NRG3: variants seen among roughly 807,000 people sequenced by gnomAD.
NRG3 encodes pro-neuregulin-3, membrane-bound isoform.
A neutral mutation model predicts 66.9 loss-of-function variants in NRG3; 31 were observed. That is an observed-to-expected ratio of 0.46 (90% CI 0.35 to 0.63). NRG3 has a LOEUF of 0.63. NRG3 is among the 20% of genes least tolerant of loss of function. The probability of loss-of-function intolerance (pLI) is 0.00; values close to 1 mark genes in which losing one functional copy is unlikely to be tolerated. For missense variants in NRG3, 910 were observed against 878.9 expected (o/e 1.04, Z -0.45); for synonymous variants, 393 against 359.4 (o/e 1.09, Z -1.06).
At chr10:82,760,936 G>C (rs1197620544) in intron 3 of NRG3, among the ~76,000 whole-genome samples, 3 of 151,476 alleles carry the variant, frequency 2.0e-5, no homozygotes, top group Non-Finnish European at 4.4e-5. Flanking sequence ...ATTCCCAACA[G>C]CTTCAAATGT....
At chr10:81,986,169 G>A (rs1426716000) in intron 1 of NRG3, among the ~76,000 whole-genome samples, 1 of 152,040 alleles carries the variant, frequency 6.6e-6, no homozygotes, top group Non-Finnish European at 1.5e-5. Flanking sequence ...TTTCTATCAT[G>A]AATAAAAGTA....
intron 1 of NRG3, among the ~76,000 whole-genome samples, chr10:82,135,210 A>G (rs11192655): frequency 0.043 from 6,564 of 151,162 alleles, 309 homozygotes; most frequent in African/African-American, 0.12. Flanking sequence ...CTGCTGCCAC[A>G]TATTCTAAAG....
rs1315271417 is a variant in NRG3 at position 82,448,452 on chromosome 10, C to T, written c.953+89584C>T. 3.9e-5 allele frequency among the ~76,000 whole-genome samples: 6 copies of T among 152,102 alleles called. No homozygotes were observed. In the East Asian group the frequency reaches 5.8e-4, roughly 15 times the overall value. On this transcript the variant is annotated intron_variant, in intron 2 of 8. Coordinates refer to ENST00000372141, the MANE Select transcript of NRG3 (RefSeq NM_001010848.4). ...AGAGTATTTTCTATGAACCAGGAAC[C>T]GAGCATGTGGTGGATAGTTAGGCAT...
rs1853466062 is a variant in NRG3, at chr10:82,986,838, T to C, written c.*1233T>C. On this transcript the variant is annotated 3_prime_UTR_variant, in exon 9 of 9. Coordinates refer to ENST00000372141, the MANE Select transcript of NRG3 (RefSeq NM_001010848.4). ...TCATCATCCTCATTACCATTTATTTTATAGCAAGTCTGCTATGTGTGGACC... is the reference window on the plus strand; with the variant it reads ...TCATCATCCTCATTACCATTTATTTCATAGCAAGTCTGCTATGTGTGGACC... The C allele has an allele frequency of 6.6e-6, 1 of 152,248 alleles. No homozygotes were observed. The highest frequency in any genetic ancestry group is 2.1e-4 in the South Asian group (1 of 4,838). The allele number at this position is 152,248 out of a possible 1,614,324, so 9.4% of individuals were successfully genotyped here. A position where few individuals can be genotyped will look rare whatever the true frequency, so the allele number is the denominator to read the frequency against.
At chr10:81,999,102 C>A (rs544174307) in intron 1 of NRG3, among the ~76,000 whole-genome samples, 44 of 152,248 alleles carry the variant, frequency 2.9e-4, no homozygotes, top group African/African-American at 1.0e-3. Flanking sequence ...GGTGCCTGGG[C>A]GGCAAAGTGT....
intron 1 of NRG3, among the ~76,000 whole-genome samples, chr10:82,062,469 G>GTAGTCT (rs1816638831): frequency 1.3e-5 from 2 of 152,162 alleles, no homozygotes; most frequent in Admixed American, 6.5e-5. Context: ...AGCTGTGCAT[G>GTAGTCT]GTGGTGTGCG....
intron 2 of NRG3, among the ~76,000 whole-genome samples, chr10:82,416,216 A>G (rs2088559830): frequency 6.6e-6 from 1 of 152,210 alleles, no homozygotes; most frequent in Non-Finnish European, 1.5e-5. Flanking sequence ...AGTATGCAAT[A>G]TGTAGTTAAC....
At position 82,458,562 on chromosome 10, in the gene NRG3, G is replaced by A. The variant is rs999673901; in HGVS notation, c.953+99694G>A. 2.0e-5 allele frequency among the ~76,000 whole-genome samples: 3 copies of A among 152,144 alleles called. No individual in the cohort carries two copies. In the South Asian group the frequency reaches 6.2e-4, roughly 32 times the overall value. ...TCACTGGAGAATGAAGTAGAAAAAG[G>A]CTGGAGAAACTGGAACCAAAGGCAA... On this transcript the variant is annotated intron_variant, in intron 2 of 8. Transcript: ENST00000372141.
At chr10:82,223,989 G>A (rs949475775) in intron 1 of NRG3, among the ~76,000 whole-genome samples, 13 of 152,148 alleles carry the variant, frequency 8.5e-5, no homozygotes, top group East Asian at 1.9e-4. Context: ...AAATGTTGCC[G>A]GATTCTGGGC....
At chr10:82,905,896 A>G (rs1447704967) in intron 4 of NRG3, among the ~76,000 whole-genome samples, 1 of 152,110 alleles carries the variant, frequency 6.6e-6, no homozygotes, top group African/African-American at 2.4e-5. Flanking sequence ...TGTGGATGCT[A>G]ATTTTGCTTC....
intron 2 of NRG3, among the ~76,000 whole-genome samples, chr10:82,526,077 C>T (rs578253365): frequency 9.9e-5 from 15 of 151,882 alleles, no homozygotes; most frequent in Middle Eastern, 3.4e-3. Flanking sequence ...TCTAAGTTAG[C>T]GAGCTATGAA....
intron 1 of NRG3, among the ~76,000 whole-genome samples, chr10:82,049,591 C>A (rs1384082697): frequency 1.3e-5 from 2 of 152,034 alleles, no homozygotes; most frequent in South Asian, 2.1e-4. Context: ...TTTTTCTTTT[C>A]TTTCCAGAGT....
intron 1 of NRG3, among the ~76,000 whole-genome samples, chr10:82,296,287 A>G (rs1025030113): frequency 6.6e-5 from 10 of 152,162 alleles, no homozygotes; most frequent in African/African-American, 2.4e-4. Context: ...GAAACCATCA[A>G]CGTTTATTAG....
chr10:82,165,816 T>A lies in NRG3; in HGVS notation c.824-192923T>A, dbSNP rs573434309. ...AAGCCTTGGAAATCTAAGAATTATT[T>A]TTTGTGAATTGAAAAAATTCTCAAT... On this transcript the variant is annotated intron_variant, in intron 1 of 8. Transcript: ENST00000372141. Among the ~76,000 whole-genome samples, 12 of 151,954 alleles carry A rather than the reference T, an allele frequency of 7.9e-5. No homozygotes were observed. In the South Asian group the frequency reaches 2.3e-3, roughly 29 times the overall value.
rs1178624849 is a variant in NRG3 at position 82,085,841 on chromosome 10, G to A, written c.823+209678G>A. On this transcript the variant is annotated intron_variant, in intron 1 of 8. Coordinates refer to ENST00000372141, the MANE Select transcript of NRG3 (RefSeq NM_001010848.4). ...TTTAGTAGAGGCTGGGTTTCACCATGTTGGCCAGGCTAGTCTCGAACTCTG... is the reference window on the plus strand; with the variant it reads ...TTTAGTAGAGGCTGGGTTTCACCATATTGGCCAGGCTAGTCTCGAACTCTG... Among the ~76,000 whole-genome samples, 2 of 151,908 alleles carry A rather than the reference G, an allele frequency of 1.3e-5. 1 individual carries two copies. Among genetic ancestry groups the A allele is most frequent in the African/African-American group, 4.8e-5 (2 of 41,288 alleles).
chr10:82,212,261 C>G (rs2075435875), intron 1 of NRG3, among the ~76,000 whole-genome samples: 1 of 152,170 alleles, frequency 6.6e-6, no homozygotes, highest in Non-Finnish European at 1.5e-5. Context: ...TAGATAAACA[C>G]ATGCATGTAA....
At chr10:82,506,342 C>A (rs1237097777) in intron 2 of NRG3, among the ~76,000 whole-genome samples, 3 of 152,210 alleles carry the variant, frequency 2.0e-5, no homozygotes, top group African/African-American at 7.2e-5. Context: ...GGTACTCCAA[C>A]TTTTCCTTTG....
At chr10:82,928,114 A>G (rs1022065666) in intron 4 of NRG3, among the ~76,000 whole-genome samples, 2 of 151,880 alleles carry the variant, frequency 1.3e-5, no homozygotes, top group Non-Finnish European at 2.9e-5. Context: ...GCTTTTTTTC[A>G]TATGTTTGCT....
chr10:81,985,568 G>A lies in NRG3; in HGVS notation c.823+109405G>A, dbSNP rs2060489425. ...TGTAAGAACTCCTAATTCCACGAGT[G>A]ATTATTAATGCAGGGAGAGAGATGA... On this transcript the variant is annotated intron_variant, in intron 1 of 8. Coordinates refer to ENST00000372141, the MANE Select transcript of NRG3 (RefSeq NM_001010848.4). Among the ~76,000 whole-genome samples, 3 of 152,224 alleles carry A rather than the reference G, an allele frequency of 2.0e-5. No homozygotes were observed. The South Asian group carries it at 6.2e-4, about 32-fold the overall frequency.
Sources: gnomAD v4.1 joint callset for allele counts (sites outside exome capture counted in the v4.1 genomes callset) on GRCh38, gnomAD v4.1.1 for gene constraint, MANE v1.5 for transcripts, NCBI Gene and HGNC (gene_info 2026-07-23, HGNC 2026-07-21) for gene names.